KCNJ5: variants seen among roughly 807,000 people sequenced by gnomAD.
The protein encoded by KCNJ5 is potassium inwardly rectifying channel subfamily J member 5, also known as G protein-activated inward rectifier potassium channel 4.
In KCNJ5, 12 loss-of-function variants were observed where a neutral mutation model predicts 20.2. The observed-to-expected ratio is 0.59, with a 90% CI of 0.38 to 0.96. KCNJ5 has a LOEUF of 0.96. Among genes scored for constraint, KCNJ5 ranks in the 40% least tolerant of loss-of-function variants. The pLI, the probability that KCNJ5 is intolerant of heterozygous loss-of-function variation, is 0.00. For missense variants in KCNJ5, 449 were observed against 557.6 expected, an observed-to-expected ratio of 0.81 and a Z score of 1.96; for synonymous variants, 210 against 213.9, an observed-to-expected ratio of 0.98 and a Z score of 0.16.
chr11:128,910,441 C>T (rs988315008), intron 1 of KCNJ5, among the ~76,000 whole-genome samples: 4 of 152,214 alleles, frequency 2.6e-5, no homozygotes, highest in African/African-American at 9.6e-5. Context: ...ACTTCACACT[C>T]AGACGGTAGG....
intron 1 of KCNJ5, among the ~76,000 whole-genome samples, chr11:128,899,057 T>A (rs1315303005): frequency 6.6e-6 from 1 of 152,242 alleles, no homozygotes; most frequent in Non-Finnish European, 1.5e-5. Flanking sequence ...ATGATATTTG[T>A]CTATCTCCTC....
At position 128,916,701 on chromosome 11, in the gene KCNJ5, T is replaced by C; in HGVS notation, c.1230T>C (p.Gly410=). ...AAGAAGATGAGCCCAAGGGGCTGGG[T>C]GGGTCCAGGGAGGCCAGGGGCTCGG... is the stretch of plus-strand genomic sequence containing the variant. ...QNEEDEPKGL[G]GSREARGSV Residue 410 remains glycine (G), a synonymous_variant, in exon 3 of 3, where the codon GGT becomes GGC. Transcript: ENST00000529694. 6.2e-7 allele frequency: 1 copy of C among 1,609,006 alleles called. No homozygotes were observed. The highest frequency in any genetic ancestry group is 8.5e-7 in the Non-Finnish European group (1 of 1,178,108).
At chr11:128,900,053 A>C (rs1944246795) in intron 1 of KCNJ5, 1 of 152,194 alleles carries the variant, frequency 6.6e-6, no homozygotes, top group Admixed American at 6.5e-5. Flanking sequence ...ACCTATCACT[A>C]ACCCTTTCGA....
rs745837429 is a variant in KCNJ5 at position 128,903,319 on chromosome 11, G to A, written c.-10-7945G>A. ...CTAATTGCACGTGACCAAGAAGGAT[G>A]TAGAGTGTGTCTGTGTTGGAAGAAC... On this transcript the variant is annotated intron_variant, in intron 1 of 2. Transcript: ENST00000529694. 108 of 1,596,968 alleles carry A rather than the reference G, an allele frequency of 6.8e-5. 1 individual carries two copies. In the Middle Eastern group the frequency reaches 1.9e-3, roughly 28 times the overall value.
In KCNJ5 at chr11:128,891,441, C is replaced by CAGAAAGAGAGAGAGAGAGAGAGAG. The variant is rs1944085485; in HGVS notation, c.-288_-287insAAGAGAGAGAGAGAGAGAGAGAGA. On this transcript the variant is annotated 5_prime_UTR_variant, in exon 1 of 3. Transcript: ENST00000529694. ...ACACACACACACACACACACACACA[C>CAGAAAGAGAGAGAGAGAGAGAGAG]AGAGAGAGAGAGAGAGAGAGAGAGA... 1 of 54,924 alleles carries CAGAAAGAGAGAGAGAGAGAGAGAG rather than the reference C, an allele frequency of 1.8e-5. No individual in the cohort carries two copies. The highest frequency in any genetic ancestry group is 8.0e-5 in the African/African-American group (1 of 12,444). 3.4% of individuals were successfully genotyped at this position (54,924 alleles called of 1,614,324 possible).
At chr11:128,898,245 A>G (rs1273020311) in intron 1 of KCNJ5, among the ~76,000 whole-genome samples, 12 of 152,248 alleles carry the variant, frequency 7.9e-5, no homozygotes. Flanking sequence ...ATTCAGAGAG[A>G]ATCAACGTTT....
chr11:128,907,278 G>C (rs569367099), intron 1 of KCNJ5, among the ~76,000 whole-genome samples: 156 of 152,252 alleles, frequency 1.0e-3, no homozygotes, highest in African/African-American at 3.4e-3. Context: ...AGACTCCCAA[G>C]CCAGTGGTCT....
chr11:128,903,636 T>TC, intron 1 of KCNJ5: 16 of 1,012,412 alleles, frequency 1.6e-5, no homozygotes, highest in Non-Finnish European at 2.4e-5. Flanking sequence ...CGGGGCACTC[T>TC]TGGTGATGAT....
chr11:128,899,546 G>T (rs140866873), intron 1 of KCNJ5: 71 of 152,262 alleles, frequency 4.7e-4, no homozygotes, highest in Middle Eastern at 3.4e-3. Context: ...TGTCCCTTGG[G>T]TTATAGACAG....
At position 128,916,528 on chromosome 11, in the gene KCNJ5, G is replaced by A; in HGVS notation, c.1057G>A (p.Asp353Asn). The A allele has an allele frequency of 6.2e-7, 1 of 1,614,144 alleles. No homozygotes were observed. Residue 353 changes from aspartate to asparagine, a missense_variant, in exon 3 of 3, where the codon GAT becomes AAT. Transcript: ENST00000529694. ...TGAGGTGGACTACAACACCTTCCAT[G>A]ATACCTATGAGACCAACACACCCAG... ...FYEVDYNTFH[D>N]TYETNTPSCC...
intron 1 of KCNJ5, among the ~76,000 whole-genome samples, chr11:128,892,828 C>T (rs1404850072): frequency 4.6e-5 from 7 of 152,300 alleles, no homozygotes; most frequent in African/African-American, 1.2e-4. Context: ...GAGCTATATA[C>T]GTTTACATGA....
chr11:128,909,351 A>G (rs1390392888), intron 1 of KCNJ5, among the ~76,000 whole-genome samples: 1 of 152,210 alleles, frequency 6.6e-6, no homozygotes, highest in African/African-American at 2.4e-5. Flanking sequence ...GAATTCCTGC[A>G]AGGGACTGCC....
In KCNJ5 at chr11:128,916,714, G is replaced by C. The variant is rs1420856312; in HGVS notation, c.1243G>C (p.Ala415Pro). The C allele has an allele frequency of 1.9e-6, 3 of 1,606,174 alleles. No homozygotes were observed. The highest frequency in any genetic ancestry group is 2.2e-5 in the South Asian group (2 of 90,202). Residue 415 changes from alanine to proline, a missense_variant, in exon 3 of 3, where the codon GCC (alanine) becomes CCC (proline). Transcript: ENST00000529694. The part of the protein sequence containing the change: ...EPKGLGGSRE[A>P]RGSV ...CAAGGGGCTGGGTGGGTCCAGGGAGGCCAGGGGCTCGGTGTGAGGGGTGCA... is the reference window on the plus strand; with the variant it reads ...CAAGGGGCTGGGTGGGTCCAGGGAGCCCAGGGGCTCGGTGTGAGGGGTGCA...
rs896162043 is a variant in KCNJ5 at position 128,895,391 on chromosome 11, C to CG, written c.-11+3670_-11+3671insG. On this transcript the variant is annotated intron_variant, in intron 1 of 2. Transcript: ENST00000529694. ...CTTAGAGTGTGCCCCCACCCCCCCC[C>CG]CAACCCCAGGGATGACTGCACTGCT... Among the ~76,000 whole-genome samples, 6 of 149,842 alleles carry CG rather than the reference C, an allele frequency of 4.0e-5. No homozygotes were observed. In the East Asian group the frequency reaches 5.9e-4, roughly 15 times the overall value.
At chr11:128,910,911 G>A (rs577668110) in intron 1 of KCNJ5, among the ~76,000 whole-genome samples, 20 of 152,206 alleles carry the variant, frequency 1.3e-4, no homozygotes, top group East Asian at 7.7e-4. Context: ...CATGTAATGC[G>A]TGGGACACAG....
intron 1 of KCNJ5, chr11:128,902,642 G>T (rs1326915853): frequency 1.2e-6 from 2 of 1,614,018 alleles, no homozygotes; most frequent in South Asian, 2.2e-5. Flanking sequence ...CTTGCAGATT[G>T]AGTTCTCCTC....
intron 1 of KCNJ5, among the ~76,000 whole-genome samples, chr11:128,904,029 C>T (rs1039319297): frequency 6.6e-6 from 1 of 152,200 alleles, no homozygotes; most frequent in African/African-American, 2.4e-5. Context: ...AACTGTGTGG[C>T]CTGAAGCAAG....
At chr11:128,905,078 G>A (rs987945484) in intron 1 of KCNJ5, among the ~76,000 whole-genome samples, 2 of 152,248 alleles carry the variant, frequency 1.3e-5, no homozygotes, top group African/African-American at 4.8e-5. Flanking sequence ...CTGGCCCCTG[G>A]GAGGATCCTG....
chr11:128,911,987 C>A lies in KCNJ5; in HGVS notation c.714C>A (p.Leu238=), dbSNP rs1453530207. 4.4e-6 allele frequency: 7 copies of A among 1,605,150 alleles called. No homozygotes were observed. Among genetic ancestry groups the A allele is most frequent in the Non-Finnish European group, 6.0e-6 (7 of 1,173,982 alleles). ...HIVEASIRAK[L]IKSRQTKEGE... ...TGGAGGCCTCCATCCGGGCCAAGCT[C>A]ATCAAGTCCCGGCAGACCAAAGAGG... The change falls in exon 2 of 3, where the codon CTC becomes CTA. Residue 238 remains leucine (L), a synonymous_variant. Coordinates refer to ENST00000529694, the MANE Select transcript of KCNJ5 (RefSeq NM_000890.5). This position sits in a 1 kb window ranked among gnomAD's most constrained non-coding sequence, Gnocchi z 6.3.
Sources: gnomAD v4.1 joint callset for allele counts (sites outside exome capture counted in the v4.1 genomes callset) on GRCh38, gnomAD v4.1.1 for gene constraint, Gnocchi (gnomAD v3.1) non-coding constraint, MANE v1.5 for transcripts, NCBI Gene and HGNC (gene_info 2026-07-23, HGNC 2026-07-21) for gene names.